Variants in RBFOX1 observed in about 807,000 individuals in gnomAD.
RBFOX1 encodes the protein RNA binding protein fox-1 homolog 1.
In RBFOX1, 8 loss-of-function variants were observed where a neutral mutation model predicts 57.7. The observed-to-expected ratio is 0.14, with a 90% CI of 0.08 to 0.25. RBFOX1 has a LOEUF of 0.25. RBFOX1 is among the 10% of genes least tolerant of loss of function. The pLI is 1.00. For missense variants in RBFOX1, 611 were observed against 548.5 expected (o/e 1.11, Z -1.14); for synonymous variants, 326 against 222.4 (o/e 1.47, Z -4.15).
chr16:5,336,760 C>T (rs935678892), intron 1 of RBFOX1, among the ~76,000 whole-genome samples: 3 of 152,202 alleles, frequency 2.0e-5, no homozygotes, highest in African/African-American at 4.8e-5. Context: ...TCCAGCCCCC[C>T]TCCTTCTGGT....
At chr16:5,898,545 C>A (rs1203052765) in intron 4 of RBFOX1, among the ~76,000 whole-genome samples, 1 of 147,534 alleles carries the variant, frequency 6.8e-6, no homozygotes. Context: ...TTTTGGTCAT[C>A]TACATGTAAA....
At chr16:7,272,958 TTTCC>T (rs1454389048) in intron 4 of RBFOX1, among the ~76,000 whole-genome samples, 1 of 135,000 alleles carries the variant, frequency 7.4e-6, no homozygotes, top group East Asian at 2.3e-4. Flanking sequence ...CTTTCTTCCT[TTTCC>T]TTCCTTCTTT....
At chr16:7,041,082 A>ATTTTTTTTTTTTTTTTTTTTT (rs61569211) in intron 3 of RBFOX1, among the ~76,000 whole-genome samples, 3 of 109,310 alleles carry the variant, frequency 2.7e-5, no homozygotes, top group Non-Finnish European at 3.6e-5. Flanking sequence ...CGCCCAGCTA[A>ATTTTTTTTTTTTTTTTTTTTT]TTTTTTTTTT....
At chr16:6,318,663 C>T (rs2081392733) in intron 2 of RBFOX1, among the ~76,000 whole-genome samples, 1 of 151,940 alleles carries the variant, frequency 6.6e-6, no homozygotes, top group African/African-American at 2.4e-5. Context: ...AGGCTGTGGT[C>T]CCTAAGATAA....
chr16:6,566,158 A>C (rs1282970866), intron 2 of RBFOX1, among the ~76,000 whole-genome samples: 1 of 152,254 alleles, frequency 6.6e-6, no homozygotes, highest in Non-Finnish European at 1.5e-5. Context: ...GCTATGCCTA[A>C]GTCCAAGTAG....
chr16:6,014,200 T>TA (rs1467923018), upstream of RBFOX1, among the ~76,000 whole-genome samples: 6 of 152,124 alleles, frequency 3.9e-5, no homozygotes, highest in African/African-American at 1.4e-4. Flanking sequence ...GCTTATATAG[T>TA]AAATACCACA....
chr16:6,615,251 G>A (rs149690707), intron 2 of RBFOX1, among the ~76,000 whole-genome samples: 1,696 of 152,286 alleles, frequency 0.011, 35 homozygotes, highest in African/African-American at 0.038. Flanking sequence ...ATTTAGACTA[G>A]AATCTCATTC....
At chr16:6,921,952 C>G (rs925778562) in intron 3 of RBFOX1, among the ~76,000 whole-genome samples, 1 of 152,120 alleles carries the variant, frequency 6.6e-6, no homozygotes, top group Non-Finnish European at 1.5e-5. Flanking sequence ...CTTCTGCACA[C>G]CACTGAAATA....
intron 14 of RBFOX1, among the ~76,000 whole-genome samples, chr16:7,708,654 G>T (rs570441320): frequency 6.6e-6 from 1 of 152,134 alleles, no homozygotes; most frequent in Non-Finnish European, 1.5e-5. Context: ...GGTGACAGCT[G>T]AATCAGGAGA....
chr16:5,493,457 G>A (rs1459885635), intron 2 of RBFOX1, among the ~76,000 whole-genome samples: 1 of 152,114 alleles, frequency 6.6e-6, no homozygotes, highest in Non-Finnish European at 1.5e-5. Flanking sequence ...GTAATGAGTT[G>A]GAAATAGAAA....
chr16:5,411,167 C>T (rs1031206851), intron 1 of RBFOX1, among the ~76,000 whole-genome samples: 1 of 152,168 alleles, frequency 6.6e-6, no homozygotes, highest in Non-Finnish European at 1.5e-5. Flanking sequence ...GAAAAAAGGA[C>T]CTCAAAGATA....
At chr16:5,748,802 G>A (rs28788276) in intron 3 of RBFOX1, among the ~76,000 whole-genome samples, 3,299 of 152,288 alleles carry the variant, frequency 0.022, 108 homozygotes, top group African/African-American at 0.074. Flanking sequence ...ACAGCACACT[G>A]ATGGGTCTTG....
chr16:6,884,891 C>G (rs34042022), intron 3 of RBFOX1, among the ~76,000 whole-genome samples: 2,624 of 152,254 alleles, frequency 0.017, 36 homozygotes, highest in Non-Finnish European at 0.026. Context: ...GAGCAAGGCT[C>G]TCTTTCAAAC....
intron 4 of RBFOX1, among the ~76,000 whole-genome samples, chr16:7,397,475 A>G (rs1207235851): frequency 6.6e-6 from 1 of 152,164 alleles, no homozygotes; most frequent in Non-Finnish European, 1.5e-5. Flanking sequence ...AGATGAGTAG[A>G]AACATAGATC....
chr16:6,886,728 G>T (rs372624462), intron 3 of RBFOX1, among the ~76,000 whole-genome samples: 7 of 149,898 alleles, frequency 4.7e-5, no homozygotes, highest in African/African-American at 1.7e-4. Context: ...GCACTCCAGC[G>T]TGGGCAAGCA....
intron 2 of RBFOX1, among the ~76,000 whole-genome samples, chr16:5,561,588 G>A (rs775868167): frequency 1.8e-4 from 27 of 152,066 alleles, no homozygotes; most frequent in Admixed American, 2.6e-4. Context: ...AAGGGGTGAC[G>A]ATATAAGGTT....
At chr16:5,967,895 A>T (rs958149887) in intron 4 of RBFOX1, among the ~76,000 whole-genome samples, 1 of 152,098 alleles carries the variant, frequency 6.6e-6, no homozygotes, top group African/African-American at 2.4e-5. Context: ...TTTGCTTTGC[A>T]TGTGGTATCC....
chr16:5,873,164 AAACAAC>A (rs57510700), intron 4 of RBFOX1, among the ~76,000 whole-genome samples: 23 of 151,634 alleles, frequency 1.5e-4, no homozygotes, highest in Admixed American at 1.1e-3. Flanking sequence ...ACAAAGAAAC[AAACAAC>A]AACAACAACA....
chr16:6,975,502 A>G (rs553391313), intron 3 of RBFOX1, among the ~76,000 whole-genome samples: 46 of 152,146 alleles, frequency 3.0e-4, no homozygotes, highest in African/African-American at 1.1e-3. Context: ...CCTGACCTCA[A>G]GTGATCTGCC....
Sources: gnomAD v4.1 joint callset for allele counts (sites outside exome capture counted in the v4.1 genomes callset) on GRCh38, gnomAD v4.1.1 for gene constraint, MANE v1.5 for transcripts, NCBI Gene and HGNC (gene_info 2026-07-23, HGNC 2026-07-21) for gene names.